Variants in ADAM20 observed in about 807,000 individuals in gnomAD.
ADAM20 encodes the protein disintegrin and metalloproteinase domain-containing protein 20.
For missense variants in ADAM20, 871 were observed against 883.2 expected, an observed-to-expected ratio of 0.99 and a Z score of 0.18; for synonymous variants, 305 against 310.2, an observed-to-expected ratio of 0.98 and a Z score of 0.18.
In ADAM20 at chr14:70,524,598, C is replaced by T. The variant is rs769518959; in HGVS notation, c.160G>A (p.Gly54Ser). The T allele has an allele frequency of 4.3e-6, 7 of 1,613,866 alleles. No individual in the cohort carries two copies. Among genetic ancestry groups the T allele is most frequent in the Non-Finnish European group, 5.9e-6 (7 of 1,179,944 alleles). ...IPLKVISRGR[G>S]AKAPGWLSYS... ...GAGAGCCATCCAGGAGCCTTTGCAC[C>T]TCTGCCCCTGCTGATCACCTTCAAA... is the stretch of plus-strand genomic sequence containing the variant. The change falls in exon 2 of 2, where the codon GGT becomes AGT. Residue 54 changes from glycine (G) to serine (S), a missense_variant. Coordinates refer to ENST00000256389, the MANE Select transcript of ADAM20 (RefSeq NM_003814.5).
chr14:70,528,472 T>C (rs1457419111), intron 1 of ADAM20, among the ~76,000 whole-genome samples: 1 of 152,196 alleles, frequency 6.6e-6, no homozygotes, highest in Admixed American at 6.5e-5. Context: ...CTTTTCATGA[T>C]TATATTAATC....
At chr14:70,567,334 T>C in the ADAM20 span, among the ~76,000 whole-genome samples, 4 of 152,078 alleles carry the variant, frequency 2.6e-5, no homozygotes, top group Admixed American at 1.3e-4. Context: ...CCCCAGGAAG[T>C]TGTGAGGCCC....
chr14:70,556,958 T>C, the ADAM20 span: 1 of 152,220 alleles, frequency 6.6e-6, no homozygotes, highest in South Asian at 2.1e-4. Context: ...ACAGTCACAA[T>C]AAACGATGTT....
chr14:70,578,550 C>G, the ADAM20 span, among the ~76,000 whole-genome samples: 6 of 152,268 alleles, frequency 3.9e-5, no homozygotes, highest in African/African-American at 1.4e-4. Context: ...ACAGAATAAG[C>G]AGACAACCTG....
At chr14:70,547,433 G>A in the ADAM20 span, 1 of 143,772 alleles carries the variant, frequency 7.0e-6, no homozygotes, top group South Asian at 2.4e-4. Flanking sequence ...GTGGGCGCAG[G>A]CCAGTGTGTG....
In ADAM20 at chr14:70,523,365, A is replaced by G; in HGVS notation, c.1393T>C (p.Cys465Arg). Residue 465 changes from cysteine to arginine, a missense_variant, in exon 2 of 2, where the codon TGT (cysteine) becomes CGT (arginine). Transcript: ENST00000256389. The stretch of plus-strand genomic sequence containing the variant: ...TCACATTCACCAACTTGTTGTCTAC[A>G]TAAAGTTCCTGATGGCAGAAATTTG... ...DCKFLPSGTL[C>R]RQQVGECDLP... The G allele has an allele frequency of 1.2e-6, 2 of 1,614,056 alleles. No individual in the cohort carries two copies. The highest frequency in any genetic ancestry group is 2.7e-5 in the African/African-American group (2 of 75,032).
rs10162314 is a variant in ADAM20 at position 70,523,681 on chromosome 14, G to A, written c.1077C>T (p.Cys359=). The A allele has an allele frequency of 0.025, 40,601 of 1,613,944 alleles. 852 individuals carry two copies. The highest frequency in any genetic ancestry group is 0.099 in the African/African-American group (7,409 of 74,978). ...CATGCATTATGCACCACTGTAGCTC[G>A]CACACACACCACTGGGTGTCATGTT... ...GMQHDTQWCV[C]ELQWCIMHAY... The change falls in exon 2 of 2, where the codon TGC becomes TGT. Residue 359 remains cysteine (C), a synonymous_variant. Coordinates refer to ENST00000256389, the MANE Select transcript of ADAM20 (RefSeq NM_003814.5).
chr14:70,534,546 A>G (rs553061012), intron 1 of ADAM20, among the ~76,000 whole-genome samples: 2 of 152,352 alleles, frequency 1.3e-5, no homozygotes, highest in East Asian at 3.8e-4. Context: ...AGAATTTTAT[A>G]CTAAGTGAAA....
chr14:70,559,790 T>C, the ADAM20 span, among the ~76,000 whole-genome samples: 1 of 152,050 alleles, frequency 6.6e-6, no homozygotes, highest in Non-Finnish European at 1.5e-5. Context: ...TCCTTTGACC[T>C]GTGTAGATGG....
the ADAM20 span, among the ~76,000 whole-genome samples, chr14:70,570,107 T>C: frequency 5.3e-5 from 8 of 151,402 alleles, no homozygotes; most frequent in Non-Finnish European, 7.4e-5. Flanking sequence ...AAGTATCTTC[T>C]TGGACAATAC....
chr14:70,531,191 A>G (rs934918091), intron 1 of ADAM20, among the ~76,000 whole-genome samples: 3 of 152,188 alleles, frequency 2.0e-5, no homozygotes, highest in African/African-American at 7.2e-5. Flanking sequence ...ACTATGATAC[A>G]AGGATAGTTT....
the ADAM20 span, among the ~76,000 whole-genome samples, chr14:70,544,717 A>C: frequency 2.0e-5 from 3 of 152,142 alleles, no homozygotes; most frequent in African/African-American, 7.2e-5. Flanking sequence ...AAGAAATGAT[A>C]AATGTCTAAG....
At chr14:70,559,433 T>C in the ADAM20 span, among the ~76,000 whole-genome samples, 1 of 152,306 alleles carries the variant, frequency 6.6e-6, no homozygotes, top group African/African-American at 2.4e-5. Context: ...CACCATTGTT[T>C]CCCACCTTGA....
rs1340591219 is a variant in ADAM20 at position 70,524,297 on chromosome 14, A to C, written c.461T>G (p.Phe154Cys). The C allele has an allele frequency of 6.2e-7, 1 of 1,614,050 alleles. No individual in the cohort carries two copies. The highest frequency in any genetic ancestry group is 2.2e-5 in the East Asian group (1 of 44,884). Reference sequence around the variant, plus strand: ...GTCTATCTTATATACTAGGTGTTCAAATGTGGCAGAAACACTAATTGGCTT... The same window carrying C: ...GTCTATCTTATATACTAGGTGTTCACATGTGGCAGAAACACTAATTGGCTT... ...EIKPISVSAT[F>C]EHLVYKIDSD... The change falls in exon 2 of 2, where the codon TTT (phenylalanine) becomes TGT (cysteine). Residue 154 changes from phenylalanine (F) to cysteine (C), a missense_variant. By Grantham distance (205) the Phe-to-Cys change is radical. Coordinates refer to ENST00000256389, the MANE Select transcript of ADAM20 (RefSeq NM_003814.5).
Position 70,534,830 on chromosome 14 carries a change from T to C in ADAM20, c.-210A>G, listed in dbSNP as rs1341920939. On this transcript the variant is annotated 5_prime_UTR_variant, in exon 1 of 2. Transcript: ENST00000256389. ...CTTTCAGTGTTCCATTTTTATATTT[T>C]CAGTCCTCTAATAACTTTTTAAATT... 3 of 152,358 alleles carry C rather than the reference T, an allele frequency of 2.0e-5. No homozygotes were observed. The East Asian group carries it at 5.8e-4, about 29-fold the overall frequency. The allele number at this position is 152,358 out of a possible 1,614,324, so 9.4% of individuals were successfully genotyped here.
the ADAM20 span, among the ~76,000 whole-genome samples, chr14:70,564,194 C>G: frequency 6.6e-6 from 1 of 152,246 alleles, no homozygotes; most frequent in South Asian, 2.1e-4. Flanking sequence ...AACTCTTACA[C>G]CAGCGCTGCT....
chr14:70,556,492 CACAGAT>C, the ADAM20 span: 1 of 152,228 alleles, frequency 6.6e-6, no homozygotes, highest in Non-Finnish European at 1.5e-5. Flanking sequence ...TGGAGGGATG[CACAGAT>C]ACAGATAACC....
chr14:70,561,248 A>C, the ADAM20 span, among the ~76,000 whole-genome samples: 1 of 152,206 alleles, frequency 6.6e-6, no homozygotes, highest in Non-Finnish European at 1.5e-5. Context: ...GTAACTTTGG[A>C]CTTGAGAGAG....
chr14:70,543,305 T>C, the ADAM20 span, among the ~76,000 whole-genome samples: 1 of 152,244 alleles, frequency 6.6e-6, no homozygotes, highest in African/African-American at 2.4e-5. Context: ...CTATTTGCAG[T>C]AGGACTATAT....
Sources: gnomAD v4.1 joint callset for allele counts (sites outside exome capture counted in the v4.1 genomes callset) on GRCh38, gnomAD v4.1.1 for gene constraint, MANE v1.5 for transcripts, NCBI Gene and HGNC (gene_info 2026-07-23, HGNC 2026-07-21) for gene names.